The following LSAMP variants were observed in gnomAD, a reference collection of about 807,000 sequenced individuals.
The protein encoded by LSAMP is limbic system-associated membrane protein.
LSAMP carries 7 observed loss-of-function variants against 38.6 expected under a neutral mutation model. The observed-to-expected ratio is 0.18, with a 90% confidence interval of 0.10 to 0.34. LSAMP has a LOEUF of 0.34. Ranked by LOEUF, LSAMP falls within the 10% of genes least tolerant of loss-of-function variation. The pLI is 1.00. For synonymous variants in LSAMP, 154 were observed against 166.8 expected (o/e 0.92, Z 0.59); for missense variants, 313 against 420.0 (o/e 0.75, Z 2.23).
At chr3:115,820,387 A>G (rs1489865517) in intron 6 of LSAMP, among the ~76,000 whole-genome samples, 1 of 152,198 alleles carries the variant, frequency 6.6e-6, no homozygotes, top group African/African-American at 2.4e-5. Flanking sequence ...GCAAAACACA[A>G]CACTGGGAGA....
chr3:116,003,456 G>T (rs1386798171), intron 3 of LSAMP, among the ~76,000 whole-genome samples: 1 of 152,094 alleles, frequency 6.6e-6, no homozygotes, highest in South Asian at 2.1e-4. Context: ...ATTTGGGTTT[G>T]TTCCACTCAA....
At chr3:115,984,978 A>G (rs1371508650) in intron 3 of LSAMP, among the ~76,000 whole-genome samples, 4 of 152,296 alleles carry the variant, frequency 2.6e-5, no homozygotes, top group Non-Finnish European at 5.9e-5. Context: ...GCTGGAAATG[A>G]AGCTGGAAAT....
chr3:115,828,814 G>C (rs142373137), intron 6 of LSAMP, among the ~76,000 whole-genome samples: 1 of 152,180 alleles, frequency 6.6e-6, no homozygotes, highest in East Asian at 1.9e-4. Flanking sequence ...TGGAAGCTTG[G>C]ATTTTTGTTA....
chr3:116,114,757 G>A (rs1381766964), intron 1 of LSAMP, among the ~76,000 whole-genome samples: 3 of 152,210 alleles, frequency 2.0e-5, no homozygotes, highest in Admixed American at 6.5e-5. Context: ...TGGGTAGATT[G>A]TAGACTCTAA....
chr3:116,047,323 T>G (rs1421581783), intron 2 of LSAMP, among the ~76,000 whole-genome samples: 4 of 151,196 alleles, frequency 2.6e-5, no homozygotes, highest in Admixed American at 6.6e-5. Flanking sequence ...GGTACAGACT[T>G]AATCTTTTCC....
At chr3:116,391,283 C>T (rs768094823) in intron 1 of LSAMP, among the ~76,000 whole-genome samples, 1 of 151,644 alleles carries the variant, frequency 6.6e-6, no homozygotes, top group Non-Finnish European at 1.5e-5. Flanking sequence ...GGTGGTGGGA[C>T]CCCTGTGCCC....
chr3:115,957,401 T>C (rs1371283947), intron 3 of LSAMP, among the ~76,000 whole-genome samples: 1 of 152,148 alleles, frequency 6.6e-6, no homozygotes. Flanking sequence ...TTCAATACTG[T>C]CCTTGCCCCA....
chr3:116,218,572 C>T (rs550461483), intron 1 of LSAMP, among the ~76,000 whole-genome samples: 29 of 152,270 alleles, frequency 1.9e-4, no homozygotes, highest in African/African-American at 6.7e-4. Flanking sequence ...CAATAATGTA[C>T]GGAGTTCACT....
intron 1 of LSAMP, among the ~76,000 whole-genome samples, chr3:116,406,533 A>AT (rs1285691412): frequency 1.3e-5 from 2 of 151,770 alleles, no homozygotes; most frequent in East Asian, 3.9e-4. Flanking sequence ...TGCCTTTTTT[A>AT]TTTTTAATTG....
At chr3:116,431,239 C>A (rs2049277462) in intron 1 of LSAMP, among the ~76,000 whole-genome samples, 1 of 151,904 alleles carries the variant, frequency 6.6e-6, no homozygotes. Flanking sequence ...ATTTTTGACC[C>A]ATAATATATT....
At chr3:116,171,344 C>A (rs546711852) in intron 1 of LSAMP, among the ~76,000 whole-genome samples, 4 of 152,240 alleles carry the variant, frequency 2.6e-5, no homozygotes, top group African/African-American at 9.6e-5. Flanking sequence ...GATCACATTT[C>A]ATTGAATCAT....
At chr3:116,242,774 A>G (rs962528802) in intron 1 of LSAMP, among the ~76,000 whole-genome samples, 1 of 152,052 alleles carries the variant, frequency 6.6e-6, no homozygotes, top group South Asian at 2.1e-4. Context: ...TGAAAAAAAA[A>G]ACACTAAAGA....
intron 1 of LSAMP, among the ~76,000 whole-genome samples, chr3:116,188,532 G>A (rs1710677618): frequency 6.6e-6 from 1 of 152,046 alleles, no homozygotes; most frequent in African/African-American, 2.4e-5. Flanking sequence ...TGACTTTCTA[G>A]TCTCCCTTTA....
At chr3:116,212,378 A>T (rs967695793) in intron 1 of LSAMP, among the ~76,000 whole-genome samples, 4 of 152,206 alleles carry the variant, frequency 2.6e-5, no homozygotes, top group Non-Finnish European at 4.4e-5. Flanking sequence ...CCTGATAAAG[A>T]TCAGATTAAG....
intron 3 of LSAMP, among the ~76,000 whole-genome samples, chr3:116,012,441 C>T (rs768514315): frequency 1.9e-4 from 29 of 152,116 alleles, no homozygotes; most frequent in Middle Eastern, 3.4e-3. Context: ...TTCTATATAG[C>T]TACAGTTAAT....
At chr3:116,039,337 A>C (rs1259277198) in intron 2 of LSAMP, among the ~76,000 whole-genome samples, 1 of 152,230 alleles carries the variant, frequency 6.6e-6, no homozygotes, top group Non-Finnish European at 1.5e-5. Flanking sequence ...CACATGGCAA[A>C]AAATGCTTTG....
intron 3 of LSAMP, among the ~76,000 whole-genome samples, chr3:115,897,739 AAGAG>A (rs958099620): frequency 1.1e-4 from 16 of 152,136 alleles, no homozygotes; most frequent in African/African-American, 3.6e-4. Flanking sequence ...AACGTGTTTT[AAGAG>A]TGTCTGGACT....
At chr3:115,893,451 A>G (rs1232926886) in intron 3 of LSAMP, among the ~76,000 whole-genome samples, 1 of 152,024 alleles carries the variant, frequency 6.6e-6, no homozygotes, top group Admixed American at 6.6e-5. Context: ...TAGCTCATAT[A>G]CAGAAGAGTC....
At chr3:116,128,021 C>T (rs754703379) in intron 1 of LSAMP, among the ~76,000 whole-genome samples, 1 of 151,810 alleles carries the variant, frequency 6.6e-6, no homozygotes. Context: ...TGATTGGGAC[C>T]CTTGGAGTAT....
Sources: allele counts gnomAD v4.1 joint callset (sites outside exome capture counted in the v4.1 genomes callset), GRCh38; gene constraint gnomAD v4.1.1; transcripts MANE v1.5; gene names NCBI Gene and HGNC (gene_info 2026-07-23, HGNC 2026-07-21).